The following RGS7 variants were observed in gnomAD, a reference collection of about 807,000 sequenced individuals.
RGS7 encodes regulator of G protein signaling 7, also known as regulator of G-protein signaling 7.
In RGS7, 27 loss-of-function variants were observed where a neutral mutation model predicts 81.1. The ratio of observed to expected loss-of-function variants is 0.33; its 90% CI spans 0.25 to 0.46. The LOEUF is 0.46. Among genes scored for constraint, RGS7 ranks in the 20% least tolerant of loss-of-function variants. The pLI, the probability that RGS7 is intolerant of heterozygous loss-of-function variation, is 1.00. For synonymous variants in RGS7, 208 were observed against 207.7 expected, an observed-to-expected ratio of 1.00 and a Z score of -0.01; for missense variants, 396 against 607.4, an observed-to-expected ratio of 0.65 and a Z score of 3.66.
chr1:241,212,077 A>G (rs989074018), intron 2 of RGS7, among the ~76,000 whole-genome samples: 3 of 151,550 alleles, frequency 2.0e-5, no homozygotes, highest in Non-Finnish European at 4.4e-5. Flanking sequence ...TTTATTATAC[A>G]TGTAATAATT....
chr1:241,246,468 C>T (rs1458654337), intron 2 of RGS7, among the ~76,000 whole-genome samples: 1 of 152,102 alleles, frequency 6.6e-6, no homozygotes, highest in African/African-American at 2.4e-5. Flanking sequence ...TTTTTACTGT[C>T]TGTGTTCCAA....
intron 2 of RGS7, among the ~76,000 whole-genome samples, chr1:241,301,229 A>C (rs1261834378): frequency 6.6e-6 from 1 of 152,236 alleles, no homozygotes; most frequent in Admixed American, 6.5e-5. Flanking sequence ...GCTCATAGCA[A>C]ATACATGCTA....
At chr1:241,324,177 A>T (rs924571645) in intron 2 of RGS7, among the ~76,000 whole-genome samples, 9 of 152,216 alleles carry the variant, frequency 5.9e-5, no homozygotes, top group Admixed American at 2.0e-4. Flanking sequence ...ATAGTAGCTC[A>T]ATAGAGAAAT....
intron 7 of RGS7, 136 bp downstream of exon 7, chr1:240,869,919 G>T: frequency 1.2e-6 from 1 of 813,452 alleles, no homozygotes. Flanking sequence ...TAGCCTGGGT[G>T]ACAAGAGTGA....
At chr1:241,350,521 T>C (rs188938694) in intron 2 of RGS7, among the ~76,000 whole-genome samples, 16 of 152,298 alleles carry the variant, frequency 1.1e-4, no homozygotes, top group Admixed American at 4.6e-4. Flanking sequence ...CTTCCTTTTC[T>C]AGTGCGTCTT....
Position 240,912,470 on chromosome 1 carries a change from T to C in RGS7, c.385+18247A>G, listed in dbSNP as rs570005511. 3.3e-5 allele frequency among the ~76,000 whole-genome samples: 5 copies of C among 152,280 alleles called. No homozygotes were observed. The East Asian group carries it at 9.7e-4, about 29-fold the overall frequency. On this transcript the variant is annotated intron_variant, in intron 6 of 18. Transcript: ENST00000440928. ...TTTAATTGGTTGGGAAAGAGGTCAG[T>C]AATCTTTACTTCAAAATCATTCCAA...
In RGS7 at chr1:241,144,578, C is replaced by G. The variant is rs191024896; in HGVS notation, c.79-45816G>C. Among the ~76,000 whole-genome samples, 1,060 of 152,312 alleles carry G rather than the reference C, an allele frequency of 7.0e-3. 12 individuals are homozygous for G. The highest frequency in any genetic ancestry group is 0.011 in the Non-Finnish European group (776 of 68,030). On this transcript the variant is annotated intron_variant, in intron 2 of 18. Transcript: ENST00000440928. This position sits in a 1 kb window ranked among gnomAD's most constrained non-coding sequence, Gnocchi z 4.7. Reference sequence around the variant, plus strand: ...TGACTGCTTTCAAAGAGCCAGCACTCCTCAGCAGAAGCCTAATCATCTCTG... The same window carrying G: ...TGACTGCTTTCAAAGAGCCAGCACTGCTCAGCAGAAGCCTAATCATCTCTG...
At chr1:240,852,049 A>G (rs1458190281) in intron 9 of RGS7, among the ~76,000 whole-genome samples, 1 of 152,238 alleles carries the variant, frequency 6.6e-6, no homozygotes, top group Admixed American at 6.5e-5. Context: ...TCCAATTTTC[A>G]AAGAAGTTCT....
intron 2 of RGS7, among the ~76,000 whole-genome samples, chr1:241,240,984 G>A (rs895931748): frequency 6.6e-6 from 1 of 152,100 alleles, no homozygotes; most frequent in Non-Finnish European, 1.5e-5. Context: ...ATCACAGAGA[G>A]TTCATTTGCT....
chr1:241,242,248 A>C (rs1319159061), intron 2 of RGS7, among the ~76,000 whole-genome samples: 1 of 152,040 alleles, frequency 6.6e-6, no homozygotes, highest in Non-Finnish European at 1.5e-5. Flanking sequence ...ATGGTCTCCA[A>C]TACCATCCAG....
intron 3 of RGS7, among the ~76,000 whole-genome samples, chr1:241,072,230 T>C (rs2148870915): frequency 6.6e-6 from 1 of 152,184 alleles, no homozygotes; most frequent in East Asian, 1.9e-4. Context: ...TGGTGATAGT[T>C]GTAGGGGATG....
intron 2 of RGS7, among the ~76,000 whole-genome samples, chr1:241,268,506 G>A (rs954600214): frequency 3.9e-5 from 6 of 152,192 alleles, no homozygotes; most frequent in Non-Finnish European, 5.9e-5. Flanking sequence ...CCTGCAGGGT[G>A]CTTGGGCTCC....
intron 2 of RGS7, among the ~76,000 whole-genome samples, chr1:241,221,178 AAGAAAGAGAGAAAGAAAG>A (rs1558204603): frequency 6.8e-6 from 1 of 146,122 alleles, no homozygotes; most frequent in Admixed American, 6.9e-5. Context: ...AAGGGGAAAA[AAGAAAGAGAGAAAGAAAG>A]AGAAAGAAAG....
chr1:241,048,526 A>G (rs1259340580), intron 3 of RGS7, among the ~76,000 whole-genome samples: 2 of 152,272 alleles, frequency 1.3e-5, no homozygotes, highest in South Asian at 4.1e-4. Context: ...AGTTTTACTA[A>G]TAATACTATA....
intron 2 of RGS7, among the ~76,000 whole-genome samples, chr1:241,320,868 T>C (rs2081168498): frequency 6.6e-6 from 1 of 152,196 alleles, no homozygotes; most frequent in Non-Finnish European, 1.5e-5. Flanking sequence ...AACACTGTGT[T>C]AAACTAAAAT....
At chr1:241,180,678 GAC>G (rs1282272962) in intron 2 of RGS7, among the ~76,000 whole-genome samples, 1 of 152,176 alleles carries the variant, frequency 6.6e-6, no homozygotes, top group Non-Finnish European at 1.5e-5. Flanking sequence ...GATGTCCTTT[GAC>G]ACACAGAATG....
chr1:241,334,553 T>C (rs1232176852), intron 2 of RGS7, among the ~76,000 whole-genome samples: 1 of 152,166 alleles, frequency 6.6e-6, no homozygotes, highest in Non-Finnish European at 1.5e-5. Context: ...TGAAAGGCTG[T>C]TAGTTGGAAA....
At chr1:241,033,977 T>C (rs2060210911) in intron 3 of RGS7, among the ~76,000 whole-genome samples, 1 of 152,136 alleles carries the variant, frequency 6.6e-6, no homozygotes, top group Non-Finnish European at 1.5e-5. Flanking sequence ...GAAGATACAG[T>C]ATACAGCATA....
intron 2 of RGS7, among the ~76,000 whole-genome samples, chr1:241,290,132 G>A (rs2079015524): frequency 6.6e-6 from 1 of 152,170 alleles, no homozygotes; most frequent in African/African-American, 2.4e-5. Context: ...AGAAAGTAGG[G>A]TTTATATGTA....
Sources: allele counts gnomAD v4.1 joint callset (sites outside exome capture counted in the v4.1 genomes callset), GRCh38; gene constraint gnomAD v4.1.1; non-coding constraint Gnocchi (gnomAD v3.1); transcripts MANE v1.5; gene names NCBI Gene and HGNC (gene_info 2026-07-23, HGNC 2026-07-21).